The following GTF2H5 variants were observed in gnomAD, a reference collection of about 807,000 sequenced individuals.
The protein encoded by GTF2H5 is general transcription factor IIH subunit 5.
In GTF2H5, 5 loss-of-function variants were observed where a neutral mutation model predicts 7.1. That is an observed-to-expected ratio of 0.71 (90% confidence interval 0.37 to 1.49). The LOEUF (loss-of-function observed/expected upper bound fraction) is 1.49, where lower values mean the gene tolerates loss of function less well. GTF2H5 is among the 40% of genes most tolerant of loss of function. The probability of loss-of-function intolerance (pLI) is 0.03; values close to 1 mark genes in which losing one functional copy is unlikely to be tolerated. For missense variants in GTF2H5, 80 were observed against 83.0 expected, an observed-to-expected ratio of 0.96 and a Z score of 0.14; for synonymous variants, 30 against 31.7, an observed-to-expected ratio of 0.95 and a Z score of 0.18.
In GTF2H5 at chr6:158,169,462, T is replaced by TAATATACAG. The variant is rs1562468201; in HGVS notation, c.-34-1008_-34-1007insAATATACAG. 4.3e-5 allele frequency among the ~76,000 whole-genome samples: 3 copies of TAATATACAG among 69,880 alleles called. 1 individual carries two copies. The highest frequency in any genetic ancestry group is 2.7e-4 in the African/African-American group (3 of 11,318). 45.8% of individuals were successfully genotyped at this position (69,880 alleles called of 152,430 possible). ...TTATATATATTATATATTATATATA[T>TAATATACAG]TATATTGTATATTATATATAATATA... On this transcript the variant is annotated intron_variant, in intron 1 of 2. Transcript: ENST00000607778.
intron 2 of GTF2H5, among the ~76,000 whole-genome samples, chr6:158,189,300 C>CTTTAT (rs1776982017): frequency 6.6e-6 from 1 of 152,106 alleles, no homozygotes; most frequent in Non-Finnish European, 1.5e-5. Flanking sequence ...GACTACCCAC[C>CTTTAT]AACCCTCCTC....
At chr6:158,180,512 G>A (rs1318465142) in intron 2 of GTF2H5, among the ~76,000 whole-genome samples, 1 of 152,044 alleles carries the variant, frequency 6.6e-6, no homozygotes, top group African/African-American at 2.4e-5. Flanking sequence ...GACTTTTTTT[G>A]GTTGGTAGGC....
At chr6:158,175,568 A>G (rs560904444) in intron 2 of GTF2H5, among the ~76,000 whole-genome samples, 68 of 152,328 alleles carry the variant, frequency 4.5e-4, no homozygotes, top group Non-Finnish European at 8.5e-4. Context: ...GTTTGAGACC[A>G]GCCTGGCCAA....
intron 1 of GTF2H5, among the ~76,000 whole-genome samples, chr6:158,169,371 A>AT (rs1562467732): frequency 1.1e-4 from 11 of 100,804 alleles, no homozygotes; most frequent in Non-Finnish European, 1.9e-4. Context: ...TATATATAAT[A>AT]TGTATATTAT....
At chr6:158,191,754 T>A (rs955511167) in intron 2 of GTF2H5, among the ~76,000 whole-genome samples, 2 of 152,206 alleles carry the variant, frequency 1.3e-5, no homozygotes, top group Non-Finnish European at 2.9e-5. Flanking sequence ...AGTGCTGGGA[T>A]CACAGGTGTG....
chr6:158,175,556 G>A (rs988251522), intron 2 of GTF2H5, among the ~76,000 whole-genome samples: 1 of 152,198 alleles, frequency 6.6e-6, no homozygotes, highest in African/African-American at 2.4e-5. Flanking sequence ...TTGAGGTCAG[G>A]AGTTTGAGAC....
chr6:158,182,369 T>G (rs368588575), intron 2 of GTF2H5, among the ~76,000 whole-genome samples: 1 of 152,204 alleles, frequency 6.6e-6, no homozygotes, highest in Non-Finnish European at 1.5e-5. Flanking sequence ...TTGCTCTTCT[T>G]GAGGAGTATC....
intron 2 of GTF2H5, among the ~76,000 whole-genome samples, chr6:158,188,779 A>G (rs1776973786): frequency 6.6e-6 from 1 of 152,130 alleles, no homozygotes; most frequent in Non-Finnish European, 1.5e-5. Flanking sequence ...TGTTGTTGCC[A>G]TTCAGTTGCA....
At chr6:158,169,766 A>ATATTATATAATATATTGTATATTATATAT (rs1785812005) in intron 1 of GTF2H5, among the ~76,000 whole-genome samples, 1 of 57,008 alleles carries the variant, frequency 1.8e-5, no homozygotes, top group African/African-American at 5.8e-5. Context: ...ATTGTATATT[A>ATATTATATAATATATTGTATATTATATAT]TATATAATAT....
chr6:158,189,095 A>C (rs1000994470), intron 2 of GTF2H5, among the ~76,000 whole-genome samples: 1 of 151,562 alleles, frequency 6.6e-6, no homozygotes, highest in Non-Finnish European at 1.5e-5. Context: ...CTGTGACAAA[A>C]CCTGACTTTG....
chr6:158,171,239 G>A (rs1172995398), intron 2 of GTF2H5, among the ~76,000 whole-genome samples: 2 of 152,168 alleles, frequency 1.3e-5, no homozygotes, highest in African/African-American at 2.4e-5. Context: ...TAAAAGTAAC[G>A]TAAAATGAAA....
In GTF2H5 at chr6:158,177,929, C is replaced by T. The variant is rs527500564; in HGVS notation, c.35+7391C>T. On this transcript the variant is annotated intron_variant, in intron 2 of 2. Transcript: ENST00000607778. ...CCTTTTTTATGACTGCATAGTATTC[C>T]GTGGTGTATATGTGCCACATTTTCT... Among the ~76,000 whole-genome samples the T allele has an allele frequency of 6.6e-5, 10 of 152,200 alleles. No individual in the cohort carries two copies. In the South Asian group the frequency reaches 1.5e-3, roughly 22 times the overall value.
At chr6:158,171,697 C>T (rs1239146945) in intron 2 of GTF2H5, among the ~76,000 whole-genome samples, 3 of 152,110 alleles carry the variant, frequency 2.0e-5, no homozygotes, top group Non-Finnish European at 2.9e-5. Flanking sequence ...ATGGAGACTT[C>T]GGAGAAGTTT....
chr6:158,168,884 G>C (rs1017003378), intron 1 of GTF2H5, among the ~76,000 whole-genome samples: 1 of 152,126 alleles, frequency 6.6e-6, no homozygotes, highest in Non-Finnish European at 1.5e-5. Flanking sequence ...AATCACTTGA[G>C]GCCAGGAGTT....
At chr6:158,175,178 A>G (rs1201533890) in intron 2 of GTF2H5, among the ~76,000 whole-genome samples, 1 of 152,164 alleles carries the variant, frequency 6.6e-6, no homozygotes, top group Non-Finnish European at 1.5e-5. Context: ...ATGTTCCTTT[A>G]GAGCCTCTCT....
At chr6:158,169,740 A>ATATAATATATTG (rs1785805228) in intron 1 of GTF2H5, among the ~76,000 whole-genome samples, 3 of 40,518 alleles carry the variant, frequency 7.4e-5, no homozygotes, top group Admixed American at 4.8e-4. Flanking sequence ...ATTGTATATT[A>ATATAATATATTG]TATATTATAT....
chr6:158,187,264 G>T (rs946459340), intron 2 of GTF2H5, among the ~76,000 whole-genome samples: 3 of 151,986 alleles, frequency 2.0e-5, no homozygotes, highest in African/African-American at 7.3e-5. Flanking sequence ...CCAAAGTGCT[G>T]GGATTACAGA....
intron 2 of GTF2H5, among the ~76,000 whole-genome samples, chr6:158,171,322 CA>C (rs1305581839): frequency 6.6e-6 from 1 of 152,132 alleles, no homozygotes; most frequent in African/African-American, 2.4e-5. Flanking sequence ...ACTAAGTCTT[CA>C]AAAAAATCTT....
At chr6:158,186,379 C>G (rs1194596896) in intron 2 of GTF2H5, among the ~76,000 whole-genome samples, 1 of 152,158 alleles carries the variant, frequency 6.6e-6, no homozygotes, top group South Asian at 2.1e-4. Flanking sequence ...TAGTAGTAGC[C>G]AGTTACTGAG....
Sources: allele counts gnomAD v4.1 joint callset (sites outside exome capture counted in the v4.1 genomes callset), GRCh38; gene constraint gnomAD v4.1.1; transcripts MANE v1.5; gene names NCBI Gene and HGNC (gene_info 2026-07-23, HGNC 2026-07-21).